PLB1: variants seen among roughly 807,000 people sequenced by gnomAD.
The protein encoded by PLB1 is phospholipase B1, membrane-associated.
A neutral mutation model predicts 227.4 loss-of-function variants in PLB1; 242 were observed. The ratio of observed to expected loss-of-function variants is 1.06; its 90% CI spans 0.96 to 1.18. The LOEUF is 1.18. Ranked by LOEUF, PLB1 falls within the 50% of genes most tolerant of loss-of-function variation. The pLI is 0.00. For synonymous variants in PLB1, 757 were observed against 682.2 expected, an observed-to-expected ratio of 1.11 and a Z score of -1.71; for missense variants, 1,858 against 1,816.3, an observed-to-expected ratio of 1.02 and a Z score of -0.42.
intron 1 of PLB1, among the ~76,000 whole-genome samples, chr2:28,514,196 C>T (rs182854964): frequency 2.1e-4 from 32 of 152,262 alleles, no homozygotes; most frequent in African/African-American, 7.2e-4. Context: ...GTTGAAAAGA[C>T]TGTCTCTTCT....
chr2:28,627,290 A>T (rs573168096), intron 51 of PLB1, among the ~76,000 whole-genome samples: 4 of 151,386 alleles, frequency 2.6e-5, no homozygotes, highest in Non-Finnish European at 5.9e-5. Flanking sequence ...CTAGAGGCAG[A>T]AGTGACCCTA....
At chr2:28,502,740 A>T (rs572640437) in intron 1 of PLB1, among the ~76,000 whole-genome samples, 23 of 152,296 alleles carry the variant, frequency 1.5e-4, no homozygotes, top group Admixed American at 5.9e-4. Context: ...TTACAGTCTC[A>T]TAAAATGAAT....
At chr2:28,561,399 T>G (rs1460836814) in intron 17 of PLB1, among the ~76,000 whole-genome samples, 12 of 152,200 alleles carry the variant, frequency 7.9e-5, no homozygotes, top group Non-Finnish European at 1.3e-4. Flanking sequence ...GATTACCATA[T>G]AATCCACCAA....
At chr2:28,543,990 T>C (rs1192820087) in intron 14 of PLB1, among the ~76,000 whole-genome samples, 1 of 152,228 alleles carries the variant, frequency 6.6e-6, no homozygotes, top group Non-Finnish European at 1.5e-5. Context: ...GAATTTGCCA[T>C]TTATTTTCTT....
intron 50 of PLB1, 115 bp downstream of exon 50, chr2:28,625,223 A>G: frequency 1.0e-6 from 1 of 996,262 alleles, no homozygotes; most frequent in Non-Finnish European, 1.5e-6. Flanking sequence ...GGGCTAGCCA[A>G]AAGATCCTCG....
At chr2:28,615,073 A>T (rs1335938503) in intron 44 of PLB1, among the ~76,000 whole-genome samples, 1 of 152,164 alleles carries the variant, frequency 6.6e-6, no homozygotes, top group Non-Finnish European at 1.5e-5. Flanking sequence ...TCCTGAGGTG[A>T]GATTTAAACT....
Position 28,589,483 on chromosome 2 carries a change from T to C in PLB1, c.1849T>C (p.Tyr617His), listed in dbSNP as rs1558846638. The C allele has an allele frequency of 6.2e-7, 1 of 1,614,188 alleles. No individual in the cohort carries two copies. The highest frequency in any genetic ancestry group is 2.2e-5 in the East Asian group (1 of 44,876). ...CCACCAACTGATTGAGAGTGGGCGATATGACACAAGGGAAGATTTTACTGT... is the reference window on the plus strand; with the variant it reads ...CCACCAACTGATTGAGAGTGGGCGACATGACACAAGGGAAGATTTTACTGT... ...KTHQLIESGR[Y>H]DTREDFTVVV... is the part of the protein sequence containing the mutation. The change falls in exon 27 of 58, where the codon TAT becomes CAT. Residue 617 changes from tyrosine to histidine, a missense_variant. Physicochemically the swap from Tyr to His is moderately conservative, Grantham distance 83. Coordinates refer to ENST00000327757, the MANE Select transcript of PLB1 (RefSeq NM_153021.5).
chr2:28,642,974 G>A lies in PLB1; in HGVS notation c.4290G>A (p.Val1430=), dbSNP rs1440761224. Residue 1430 remains valine, a synonymous_variant, in exon 58 of 58, where the codon GTG becomes GTA. Transcript: ENST00000327757. ...TGGCAGCGGGAGTCGGCCTTGTGGT[G>A]GGCATCATCGGGACAGTGGTCTGGA... is the stretch of plus-strand genomic sequence containing the variant. ...VPVAAGVGLV[V]GIIGTVVWRC... 1 of 1,610,280 alleles carries A rather than the reference G, an allele frequency of 6.2e-7. No individual in the cohort carries two copies. The highest frequency in any genetic ancestry group is 8.5e-7 in the Non-Finnish European group (1 of 1,178,588).
intron 32 of PLB1, 89 bp downstream of exon 32, chr2:28,592,808 CCTCT>C: frequency 1.6e-6 from 2 of 1,257,136 alleles, no homozygotes; most frequent in Non-Finnish European, 2.3e-6. Flanking sequence ...GCATGCCTGT[CCTCT>C]GCCTTATCTT....
chr2:28,541,668 C>T (rs201191156), intron 12 of PLB1, 39 bp from the exon 13 acceptor site: 18 of 1,538,382 alleles, frequency 1.2e-5, no homozygotes, highest in East Asian at 2.3e-5. Flanking sequence ...CTGCCTCGCT[C>T]ATGTTCCTGG....
chr2:28,550,170 G>T (rs930548928), intron 16 of PLB1, 86 bp downstream of exon 16: 41 of 737,746 alleles, frequency 5.6e-5, no homozygotes, highest in African/African-American at 3.3e-4. Flanking sequence ...CTTCCACGTG[G>T]TTTTTTTTTT....
chr2:28,563,406 C>T (rs1164945598), intron 18 of PLB1, among the ~76,000 whole-genome samples: 1 of 152,086 alleles, frequency 6.6e-6, no homozygotes, highest in East Asian at 1.9e-4. Flanking sequence ...CCAAGTCACA[C>T]AGCTGGTCAG....
intron 41 of PLB1, among the ~76,000 whole-genome samples, chr2:28,605,118 A>C (rs959437122): frequency 2.6e-5 from 4 of 152,226 alleles, no homozygotes; most frequent in Non-Finnish European, 5.9e-5. Flanking sequence ...AGGGAGGCCA[A>C]CATGAACACA....
At chr2:28,596,013 G>A (rs967847761) in intron 33 of PLB1, 10 of 152,276 alleles carry the variant, frequency 6.6e-5, no homozygotes, top group African/African-American at 2.2e-4. Context: ...AAATAAGTTC[G>A]CTTGTTTGGG....
At chr2:28,565,047 G>T (rs1171980759) in intron 18 of PLB1, among the ~76,000 whole-genome samples, 1 of 152,200 alleles carries the variant, frequency 6.6e-6, no homozygotes, top group African/African-American at 2.4e-5. Context: ...CCTAGGCAGG[G>T]TTTCTTAGAA....
At chr2:28,541,235 A>G (rs929838853) in intron 12 of PLB1, among the ~76,000 whole-genome samples, 26 of 152,080 alleles carry the variant, frequency 1.7e-4, no homozygotes, top group Non-Finnish European at 2.8e-4. Flanking sequence ...GAAAGCCACC[A>G]TCCCTCTTAG....
At chr2:28,496,195 C>T in intron 1 of PLB1, 26 bp downstream of exon 1, 9 of 1,610,862 alleles carry the variant, frequency 5.6e-6, no homozygotes, top group Non-Finnish European at 7.6e-6. Context: ...GCTCAGAGGA[C>T]AACCAGTGGT....
intron 43 of PLB1, 38 bp downstream of exon 43, chr2:28,606,605 C>G (rs753347019): frequency 8.2e-6 from 13 of 1,580,062 alleles, no homozygotes; most frequent in Admixed American, 5.0e-5. Flanking sequence ...TCTCCACAAA[C>G]CAGGGCACAC....
intron 39 of PLB1, among the ~76,000 whole-genome samples, chr2:28,603,749 C>T (rs1684250046): frequency 6.6e-6 from 1 of 152,354 alleles, no homozygotes; most frequent in Admixed American, 6.5e-5. Flanking sequence ...AGAGGGTGCT[C>T]ATTCCCACAC....
Sources: gnomAD v4.1 joint callset for allele counts (sites outside exome capture counted in the v4.1 genomes callset) on GRCh38, gnomAD v4.1.1 for gene constraint, MANE v1.5 for transcripts, NCBI Gene and HGNC (gene_info 2026-07-23, HGNC 2026-07-21) for gene names.